PRLR: variants seen among roughly 807,000 people sequenced by gnomAD.
The protein encoded by PRLR is hPRL receptor.
In PRLR, 13 loss-of-function variants were observed where a neutral mutation model predicts 40.2. That is an observed-to-expected ratio of 0.32 (90% CI 0.21 to 0.51). PRLR has a LOEUF of 0.51. PRLR is among the 20% of genes least tolerant of loss of function. The pLI, the probability that PRLR is intolerant of heterozygous loss-of-function variation, is 0.97. For missense variants in PRLR, 656 were observed against 747.3 expected (o/e 0.88, Z 1.42); for synonymous variants, 269 against 278.7 (o/e 0.97, Z 0.35).
At position 35,065,076 on chromosome 5, in the gene PRLR, A is replaced by AT; in HGVS notation, c.*12dup. 1 of 1,599,470 alleles carries AT rather than the reference A, an allele frequency of 6.3e-7. No individual in the cohort carries two copies. The highest frequency in any genetic ancestry group is 8.5e-7 in the Non-Finnish European group (1 of 1,171,160). On this transcript the variant is annotated 3_prime_UTR_variant, in exon 10 of 10. Coordinates refer to ENST00000618457, the MANE Select transcript of PRLR (RefSeq NM_000949.7). ...AAATCACATTTTAACCAATCATTCCATTAGTCAAGCTATCAGTGAAAGGAG... is the reference window on the plus strand; with the variant it reads ...AAATCACATTTTAACCAATCATTCCATTTAGTCAAGCTATCAGTGAAAGGAG...
intron 1 of PRLR, among the ~76,000 whole-genome samples, chr5:35,213,332 T>G (rs1312998096): frequency 6.6e-6 from 1 of 152,218 alleles, no homozygotes; most frequent in East Asian, 1.9e-4. Context: ...CAAAGCCACA[T>G]GTAATTTCTA....
chr5:35,192,944 C>A (rs2111568765), intron 1 of PRLR, among the ~76,000 whole-genome samples: 1 of 152,310 alleles, frequency 6.6e-6, no homozygotes, highest in South Asian at 2.1e-4. Flanking sequence ...GTGCTGAGAT[C>A]TGAGTGTGGT....
chr5:35,168,405 G>T lies in PRLR; in HGVS notation c.-105-50283C>A, dbSNP rs928352001. Among the ~76,000 whole-genome samples the T allele has an allele frequency of 3.9e-5, 6 of 152,076 alleles. No individual in the cohort carries two copies. The South Asian group carries it at 1.2e-3, about 32-fold the overall frequency. ...TACAGCCAACAACTGTAGAATGTAT[G>T]TTCCTTTTAAGTACTCATGGAATAT... On this transcript the variant is annotated intron_variant, in intron 1 of 9. Transcript: ENST00000618457.
Position 35,164,902 on chromosome 5 carries a change from T to C in PRLR, c.-105-46780A>G, listed in dbSNP as rs1774776780. Among the ~76,000 whole-genome samples the C allele has an allele frequency of 2.0e-5, 3 of 152,120 alleles. No individual in the cohort carries two copies. The South Asian group carries it at 6.2e-4, about 31-fold the overall frequency. On this transcript the variant is annotated intron_variant, in intron 1 of 9. Coordinates refer to ENST00000618457, the MANE Select transcript of PRLR (RefSeq NM_000949.7). Reference sequence around the variant, plus strand: ...GATAAGATTTGCTAATAAGATTTGATAAGATTGAAAGAGAGTAATCAAAGA... The same window carrying C: ...GATAAGATTTGCTAATAAGATTTGACAAGATTGAAAGAGAGTAATCAAAGA...
intron 1 of PRLR, among the ~76,000 whole-genome samples, chr5:35,168,602 C>T (rs750945195): frequency 1.3e-5 from 2 of 151,662 alleles, no homozygotes; most frequent in Middle Eastern, 3.5e-3. Context: ...TTAATAAACC[C>T]GTGGGTCTAA....
intron 2 of PRLR, among the ~76,000 whole-genome samples, chr5:35,115,201 C>T (rs571486191): frequency 1.1e-4 from 16 of 152,288 alleles, no homozygotes; most frequent in Non-Finnish European, 1.8e-4. Context: ...CAAGTAGCTA[C>T]TGTATCAGAC....
At chr5:35,080,263 T>A (rs1770417308) in intron 5 of PRLR, among the ~76,000 whole-genome samples, 1 of 152,126 alleles carries the variant, frequency 6.6e-6, no homozygotes, top group Non-Finnish European at 1.5e-5. Flanking sequence ...ACCTACAGAA[T>A]GGGAGAAAAT....
chr5:35,083,941 A>ATG (rs1770686904), intron 5 of PRLR, among the ~76,000 whole-genome samples: 1 of 151,700 alleles, frequency 6.6e-6, no homozygotes, highest in South Asian at 2.1e-4. Flanking sequence ...ATTACCAATG[A>ATG]TGTATATATA....
rs1384868830 is a variant in PRLR, at chr5:35,065,409, T to C, written c.1549A>G (p.Lys517Glu). Residue 517 changes from lysine (K) to glutamate (E), a missense_variant, in exon 10 of 10, where the codon AAA becomes GAA. Coordinates refer to ENST00000618457, the MANE Select transcript of PRLR (RefSeq NM_000949.7). ...GGTAGCAATGATAATGCACCATCTT[T>C]GTTGACCTTGTGAATCTCCACATAA... The part of the protein sequence containing the change: ...LDYVEIHKVN[K>E]DGALSLLPKQ... 1 of 1,614,132 alleles carries C rather than the reference T, an allele frequency of 6.2e-7. No homozygotes were observed. Among genetic ancestry groups the C allele is most frequent in the South Asian group, 1.1e-5 (1 of 91,080 alleles).
Position 35,063,484 on chromosome 5 carries a change from G to A in PRLR, c.*1605C>T, listed in dbSNP as rs1289106194. 2 of 152,146 alleles carry A rather than the reference G, an allele frequency of 1.3e-5. No homozygotes were observed. Among genetic ancestry groups the A allele is most frequent in the South Asian group, 2.1e-4 (1 of 4,830 alleles). 9.4% of individuals were successfully genotyped at this position (152,146 alleles called of 1,614,324 possible). On this transcript the variant is annotated 3_prime_UTR_variant, in exon 10 of 10. Transcript: ENST00000618457. ...CCTTTAAAATGAGGATCCAAGCTTT[G>A]ACTTCTTTCAGGAAGCCTGGCACTG...
chr5:35,086,965 C>A (rs1404774694), intron 3 of PRLR, among the ~76,000 whole-genome samples: 1 of 152,028 alleles, frequency 6.6e-6, no homozygotes, highest in African/African-American at 2.4e-5. Flanking sequence ...CTTTCCCCAT[C>A]TTCTCCTTTC....
In PRLR at chr5:35,055,895, T is replaced by C. The variant is rs1237516341; in HGVS notation, c.*9194A>G. The C allele has an allele frequency of 1.3e-5, 2 of 152,214 alleles. No individual in the cohort carries two copies. The highest frequency in any genetic ancestry group is 3.8e-4 in the East Asian group (2 of 5,196). The allele number at this position is 152,214 out of a possible 1,614,324, so 9.4% of individuals were successfully genotyped here. On this transcript the variant is annotated 3_prime_UTR_variant, in exon 10 of 10. Coordinates refer to ENST00000618457, the MANE Select transcript of PRLR (RefSeq NM_000949.7). ...TACCCTGTAATTTTTAATAACTTTA[T>C]AAGGAGCAAATGTGTCACCTTAAAA...
downstream of PRLR, among the ~76,000 whole-genome samples, chr5:35,052,182 A>G (rs1768517632): frequency 6.6e-6 from 1 of 152,172 alleles, no homozygotes; most frequent in Non-Finnish European, 1.5e-5. Flanking sequence ...TAATGCAAAA[A>G]TCCTAAATAA....
intron 1 of PRLR, among the ~76,000 whole-genome samples, chr5:35,167,358 G>A (rs1281714819): frequency 6.6e-6 from 1 of 152,056 alleles, no homozygotes; most frequent in Non-Finnish European, 1.5e-5. Flanking sequence ...TCTGGGATTT[G>A]AGACAGTGTC....
At chr5:35,211,280 G>A (rs905304231) in intron 1 of PRLR, among the ~76,000 whole-genome samples, 3 of 151,982 alleles carry the variant, frequency 2.0e-5, no homozygotes, top group African/African-American at 7.3e-5. Flanking sequence ...TTTATTCCTT[G>A]CTATAGTCAA....
chr5:35,050,403 C>G (rs1587059), intron 8 of PRLR, among the ~76,000 whole-genome samples: 61,515 of 151,986 alleles, frequency 0.4, 13,039 homozygotes, highest in African/African-American at 0.53. Context: ...TTATTTCTGA[C>G]TTATAAGTGA....
intron 2 of PRLR, among the ~76,000 whole-genome samples, chr5:35,111,025 C>CTG (rs1234831061): frequency 1.3e-5 from 2 of 151,908 alleles, no homozygotes; most frequent in Admixed American, 6.6e-5. Flanking sequence ...TAGCTCATTG[C>CTG]TGTGTGTGTG....
At chr5:35,110,981 T>C (rs1382916137) in intron 2 of PRLR, among the ~76,000 whole-genome samples, 5 of 152,168 alleles carry the variant, frequency 3.3e-5, no homozygotes, top group Non-Finnish European at 7.3e-5. Flanking sequence ...TCTTGACCTA[T>C]CTTTCTCTGT....
rs150687055 is a variant in PRLR, at chr5:35,182,011, T to C, written c.-106+48257A>G. Reference sequence around the variant, plus strand: ...TACCAACTCCCACTGCATTTGTTGATGATTTTTTTTTTTACATGAGAAAGA... The same window carrying C: ...TACCAACTCCCACTGCATTTGTTGACGATTTTTTTTTTTACATGAGAAAGA... On this transcript the variant is annotated intron_variant, in intron 1 of 9. Coordinates refer to ENST00000618457, the MANE Select transcript of PRLR (RefSeq NM_000949.7). Among the ~76,000 whole-genome samples the C allele has an allele frequency of 2.0e-5, 3 of 152,210 alleles. No individual in the cohort carries two copies. In the East Asian group the frequency reaches 5.8e-4, roughly 29 times the overall value.
Sources: allele counts gnomAD v4.1 joint callset (sites outside exome capture counted in the v4.1 genomes callset), GRCh38; gene constraint gnomAD v4.1.1; transcripts MANE v1.5; gene names NCBI Gene and HGNC (gene_info 2026-07-23, HGNC 2026-07-21).